The following JAZF1 variants were observed in gnomAD, a reference collection of about 807,000 sequenced individuals.
The protein encoded by JAZF1 is JAZF zinc finger 1.
A neutral mutation model predicts 26.4 loss-of-function variants in JAZF1; 8 were observed. That is an observed-to-expected ratio of 0.30 (90% CI 0.18 to 0.55). JAZF1 has a LOEUF of 0.55. JAZF1 is among the 20% of genes least tolerant of loss of function. The probability of loss-of-function intolerance (pLI) is 0.94; values close to 1 mark genes in which losing one functional copy is unlikely to be tolerated. For missense variants in JAZF1, 199 were observed against 322.0 expected, an observed-to-expected ratio of 0.62 and a Z score of 2.92; for synonymous variants, 126 against 122.3, an observed-to-expected ratio of 1.03 and a Z score of -0.20.
At chr7:28,121,569 T>A (rs911651718) in intron 1 of JAZF1, among the ~76,000 whole-genome samples, 3 of 152,204 alleles carry the variant, frequency 2.0e-5, no homozygotes, top group African/African-American at 7.2e-5. Flanking sequence ...CCTATTTTCA[T>A]CCCACCCCTG....
chr7:27,863,421 C>A (rs951619258), intron 3 of JAZF1, among the ~76,000 whole-genome samples: 1 of 152,180 alleles, frequency 6.6e-6, no homozygotes, highest in African/African-American at 2.4e-5. Context: ...GGCTGCTCAG[C>A]ATTCAGGTCA....
At chr7:28,081,593 T>C (rs1300788591) in intron 1 of JAZF1, among the ~76,000 whole-genome samples, 1 of 152,164 alleles carries the variant, frequency 6.6e-6, no homozygotes, top group African/African-American at 2.4e-5. Flanking sequence ...CTGGTGAGCC[T>C]GGGGCATTGT....
intron 1 of JAZF1, among the ~76,000 whole-genome samples, chr7:28,061,055 G>A (rs1226892483): frequency 1.3e-5 from 2 of 152,162 alleles, no homozygotes; most frequent in Non-Finnish European, 2.9e-5. Context: ...AGGCAGCCTT[G>A]GGAAGTTATT....
At chr7:27,851,626 C>T (rs918649634) in intron 3 of JAZF1, among the ~76,000 whole-genome samples, 4 of 152,010 alleles carry the variant, frequency 2.6e-5, no homozygotes, top group East Asian at 1.9e-4. Context: ...CCCAGGAGGT[C>T]GAGGCTGCAG....
intron 1 of JAZF1, among the ~76,000 whole-genome samples, chr7:28,120,173 GTGGT>G (rs919792542): frequency 2.3e-5 from 1 of 42,900 alleles, no homozygotes. Flanking sequence ...CATTTGTTTG[GTGGT>G]TTTTTTTTTT....
intron 2 of JAZF1, among the ~76,000 whole-genome samples, chr7:27,932,381 T>G (rs1257957092): frequency 6.6e-6 from 1 of 152,188 alleles, no homozygotes; most frequent in Non-Finnish European, 1.5e-5. Flanking sequence ...TGGTGTTTGA[T>G]AGGTGCTCCC....
chr7:28,077,296 A>G (rs1170193979), intron 1 of JAZF1, among the ~76,000 whole-genome samples: 1 of 152,186 alleles, frequency 6.6e-6, no homozygotes, highest in Non-Finnish European at 1.5e-5. Flanking sequence ...TTGTGATTTT[A>G]TCTTTCTCAA....
chr7:28,035,326 A>AAAAAAAG (rs1783270500), intron 1 of JAZF1, among the ~76,000 whole-genome samples: 1 of 142,410 alleles, frequency 7.0e-6, no homozygotes, highest in Non-Finnish European at 1.6e-5. Flanking sequence ...AAAAAAAAAA[A>AAAAAAAG]AAAAAAAAAA....
chr7:27,930,081 T>C (rs929055684), intron 2 of JAZF1, among the ~76,000 whole-genome samples: 1 of 151,880 alleles, frequency 6.6e-6, no homozygotes, highest in Non-Finnish European at 1.5e-5. Flanking sequence ...CTGCAAGCTC[T>C]GCCTCCCGGG....
chr7:28,138,822 T>G (rs1039709312), intron 1 of JAZF1, among the ~76,000 whole-genome samples: 1 of 152,216 alleles, frequency 6.6e-6, no homozygotes, highest in Non-Finnish European at 1.5e-5. Context: ...TTACCACTTG[T>G]GAGTATGGAT....
intron 1 of JAZF1, among the ~76,000 whole-genome samples, chr7:28,179,272 C>T (rs566457773): frequency 3.3e-5 from 5 of 152,360 alleles, no homozygotes; most frequent in Admixed American, 2.6e-4. Context: ...GTTGGACCGC[C>T]TAAGCCAGAT....
chr7:28,146,601 T>G (rs1015114342), intron 1 of JAZF1, among the ~76,000 whole-genome samples: 1 of 152,240 alleles, frequency 6.6e-6, no homozygotes, highest in African/African-American at 2.4e-5. Context: ...ACAGTCTGAC[T>G]GCATGATAAG....
At chr7:27,993,098 G>T (rs1785936459) in intron 1 of JAZF1, among the ~76,000 whole-genome samples, 1 of 152,218 alleles carries the variant, frequency 6.6e-6, no homozygotes, top group African/African-American at 2.4e-5. Context: ...CTGGACAGTA[G>T]TATCAGTTTT....
At chr7:28,094,827 G>A (rs761811587) in intron 1 of JAZF1, among the ~76,000 whole-genome samples, 3 of 152,080 alleles carry the variant, frequency 2.0e-5, no homozygotes, top group African/African-American at 4.8e-5. Flanking sequence ...GGGCCGAGCT[G>A]CGCCTGCTCA....
At chr7:28,071,164 G>A (rs1783969065) in intron 1 of JAZF1, among the ~76,000 whole-genome samples, 1 of 152,180 alleles carries the variant, frequency 6.6e-6, no homozygotes, top group Non-Finnish European at 1.5e-5. Flanking sequence ...CAAGCAATGC[G>A]GTGTGATACA....
At chr7:28,120,799 C>G (rs1286011953) in intron 1 of JAZF1, among the ~76,000 whole-genome samples, 1 of 152,074 alleles carries the variant, frequency 6.6e-6, no homozygotes, top group Non-Finnish European at 1.5e-5. Flanking sequence ...CAATCCTCCA[C>G]TCCGTGCACT....
intron 1 of JAZF1, among the ~76,000 whole-genome samples, chr7:28,152,787 A>C (rs942129213): frequency 5.9e-5 from 9 of 152,360 alleles, no homozygotes; most frequent in Middle Eastern, 3.4e-3. Flanking sequence ...GACACAGGAC[A>C]GGAAAAGGAA....
intron 1 of JAZF1, among the ~76,000 whole-genome samples, chr7:28,036,710 G>A (rs1339414659): frequency 6.6e-6 from 1 of 152,182 alleles, no homozygotes; most frequent in East Asian, 1.9e-4. Flanking sequence ...TGGGTTAGTG[G>A]CTTTTACCTC....
At chr7:27,985,625 T>C (rs1647692136) in intron 2 of JAZF1, among the ~76,000 whole-genome samples, 2 of 152,078 alleles carry the variant, frequency 1.3e-5, no homozygotes, top group Admixed American at 6.6e-5. Flanking sequence ...CATCCTGATA[T>C]CAAAGCCTGG....
Sources: gnomAD v4.1 joint callset for allele counts (sites outside exome capture counted in the v4.1 genomes callset) on GRCh38, gnomAD v4.1.1 for gene constraint, MANE v1.5 for transcripts, NCBI Gene and HGNC (gene_info 2026-07-23, HGNC 2026-07-21) for gene names.